The following TMEM132D variants were observed in gnomAD, a reference collection of about 807,000 sequenced individuals.
TMEM132D encodes mature OL transmembrane protein.
A neutral mutation model predicts 62.3 loss-of-function variants in TMEM132D; 21 were observed. The observed-to-expected ratio is 0.34, with a 90% CI of 0.24 to 0.49. The LOEUF is 0.49. Ranked by LOEUF, TMEM132D falls within the 20% of genes least tolerant of loss-of-function variation. The pLI, the probability that TMEM132D is intolerant of heterozygous loss-of-function variation, is 0.99. For synonymous variants in TMEM132D, 621 were observed against 575.6 expected (o/e 1.08, Z -1.13); for missense variants, 1,346 against 1,402.8 (o/e 0.96, Z 0.65).
At chr12:129,569,190 A>ACCT (rs1221937847) in intron 2 of TMEM132D, among the ~76,000 whole-genome samples, 12 of 152,172 alleles carry the variant, frequency 7.9e-5, no homozygotes, top group African/African-American at 2.7e-4. Context: ...TAACCTAATA[A>ACCT]CCTGATCAAT....
At chr12:129,839,117 A>ATTTTTTTTTTTGTTTTTTT in intron 1 of TMEM132D, among the ~76,000 whole-genome samples, 1 of 20,704 alleles carries the variant, frequency 4.8e-5, no homozygotes, top group Non-Finnish European at 8.4e-5. Flanking sequence ...CGCCTGGCTA[A>ATTTTTTTTTTTGTTTTTTT]TTTTTTTTTT....
intron 3 of TMEM132D, among the ~76,000 whole-genome samples, chr12:129,432,670 T>C (rs1374543281): frequency 6.6e-6 from 1 of 152,212 alleles, no homozygotes; most frequent in African/African-American, 2.4e-5. Context: ...CCACCTCCTT[T>C]TAATTAATTT....
chr12:129,658,116 C>T lies in TMEM132D; in HGVS notation c.968+41694G>A, dbSNP rs374863144. ...AGAAAAAGCTTTTCTGGGGAGGTGA[C>T]ATTTGAAATGGGACCTGCTCATGGA... On this transcript the variant is annotated intron_variant, in intron 2 of 8. Transcript: ENST00000422113. Among the ~76,000 whole-genome samples the T allele has an allele frequency of 9.2e-5, 14 of 152,244 alleles. 1 individual carries two copies. Among genetic ancestry groups the T allele is most frequent in the African/African-American group, 2.9e-4 (12 of 41,546 alleles).
chr12:129,717,715 C>T (rs1868641078), intron 1 of TMEM132D, among the ~76,000 whole-genome samples: 2 of 150,810 alleles, frequency 1.3e-5, no homozygotes, highest in African/African-American at 2.4e-5. Flanking sequence ...AAATAGTTAA[C>T]ATATTTAATA....
chr12:129,584,000 C>G (rs1441690636), intron 2 of TMEM132D, among the ~76,000 whole-genome samples: 1 of 152,046 alleles, frequency 6.6e-6, no homozygotes, highest in African/African-American at 2.4e-5. Context: ...CAATAGGAAA[C>G]AGTTAATTTT....
At chr12:129,361,882 A>G (rs1376140827) in intron 3 of TMEM132D, among the ~76,000 whole-genome samples, 2 of 152,224 alleles carry the variant, frequency 1.3e-5, no homozygotes, top group African/African-American at 2.4e-5. Context: ...TTGGCACTTC[A>G]AAACACGCGA....
chr12:129,506,307 C>T (rs903949241), intron 3 of TMEM132D, among the ~76,000 whole-genome samples: 1 of 152,102 alleles, frequency 6.6e-6, no homozygotes, highest in African/African-American at 2.4e-5. Flanking sequence ...AAATTGAATG[C>T]AATTCCCTTC....
At chr12:129,497,679 T>C (rs2137064780) in intron 3 of TMEM132D, among the ~76,000 whole-genome samples, 1 of 152,304 alleles carries the variant, frequency 6.6e-6, no homozygotes, top group Admixed American at 6.5e-5. Flanking sequence ...TTTTTTTTTT[T>C]TAAACAGGGT....
At chr12:129,092,361 T>G (rs1171070635) in intron 5 of TMEM132D, among the ~76,000 whole-genome samples, 2 of 151,990 alleles carry the variant, frequency 1.3e-5, no homozygotes, top group Non-Finnish European at 2.9e-5. Context: ...TCTGTCTTTT[T>G]TTCCCCTCAA....
At chr12:129,510,596 G>A (rs1875468707) in intron 3 of TMEM132D, among the ~76,000 whole-genome samples, 1 of 152,086 alleles carries the variant, frequency 6.6e-6, no homozygotes. Flanking sequence ...CACTGTTTGA[G>A]GTCTCAGATT....
At chr12:129,544,214 A>C (rs1272428156) in intron 2 of TMEM132D, among the ~76,000 whole-genome samples, 1 of 152,024 alleles carries the variant, frequency 6.6e-6, no homozygotes, top group Non-Finnish European at 1.5e-5. Context: ...TTTATCTTTG[A>C]ATTTTTGTTT....
chr12:129,443,758 ATG>A (rs1873007171), intron 3 of TMEM132D, among the ~76,000 whole-genome samples: 1 of 152,108 alleles, frequency 6.6e-6, no homozygotes, highest in Non-Finnish European at 1.5e-5. Flanking sequence ...AGTTCAGAGG[ATG>A]TGTGTCCTTC....
intron 3 of TMEM132D, among the ~76,000 whole-genome samples, chr12:129,430,890 G>T (rs189850847): frequency 6.6e-6 from 1 of 152,198 alleles, no homozygotes; most frequent in East Asian, 1.9e-4. Flanking sequence ...AGGAGAGTGG[G>T]GGGAGACAGG....
chr12:129,348,270 G>A (rs558782926), intron 3 of TMEM132D, among the ~76,000 whole-genome samples: 2 of 152,306 alleles, frequency 1.3e-5, no homozygotes, highest in East Asian at 3.9e-4. Flanking sequence ...GTTTATTGCA[G>A]CACTATTCAC....
intron 2 of TMEM132D, among the ~76,000 whole-genome samples, chr12:129,683,807 G>A (rs576823964): frequency 2.0e-5 from 3 of 152,166 alleles, no homozygotes; most frequent in Admixed American, 6.5e-5. Context: ...ATCTATCCTT[G>A]CCCACTCGAA....
intron 3 of TMEM132D, among the ~76,000 whole-genome samples, chr12:129,404,394 G>A (rs565881600): frequency 6.6e-5 from 10 of 152,118 alleles, no homozygotes; most frequent in East Asian, 1.9e-4. Flanking sequence ...ATGGGGTTTC[G>A]CCATAATGGC....
chr12:129,134,148 CTG>C (rs1446190685), intron 5 of TMEM132D, among the ~76,000 whole-genome samples: 5 of 117,488 alleles, frequency 4.3e-5, no homozygotes, highest in African/African-American at 1.9e-4. Flanking sequence ...GTGTGTGTGT[CTG>C]TGTCTGTGTG....
intron 4 of TMEM132D, among the ~76,000 whole-genome samples, chr12:129,290,943 A>G (rs984400328): frequency 2.6e-5 from 4 of 152,250 alleles, no homozygotes; most frequent in African/African-American, 9.6e-5. Context: ...GAAATTGCAT[A>G]AAGTTCATTA....
chr12:129,594,503 A>T (rs918721716), intron 2 of TMEM132D, among the ~76,000 whole-genome samples: 2 of 152,362 alleles, frequency 1.3e-5, no homozygotes, highest in African/African-American at 4.8e-5. Flanking sequence ...CATACTGTCC[A>T]TTAAGCCAAA....
Sources: allele counts gnomAD v4.1 joint callset (sites outside exome capture counted in the v4.1 genomes callset), GRCh38; gene constraint gnomAD v4.1.1; transcripts MANE v1.5; gene names NCBI Gene and HGNC (gene_info 2026-07-23, HGNC 2026-07-21).